The following PALLD variants were observed in gnomAD, a reference collection of about 807,000 sequenced individuals.
The protein encoded by PALLD is palladin, cytoskeletal associated protein.
In PALLD, 61 loss-of-function variants were observed where a neutral mutation model predicts 123.5. The ratio of observed to expected loss-of-function variants is 0.49; its 90% CI spans 0.40 to 0.61. The LOEUF is 0.61. Ranked by LOEUF, PALLD falls within the 20% of genes least tolerant of loss-of-function variation. PALLD has a pLI of 0.00. For missense variants in PALLD, 1,273 were observed against 1,377.0 expected (o/e 0.92, Z 1.20); for synonymous variants, 465 against 496.4 (o/e 0.94, Z 0.84).
At chr4:168,526,754 TTTA>T (rs1319244459) in intron 2 of PALLD, among the ~76,000 whole-genome samples, 2 of 152,122 alleles carry the variant, frequency 1.3e-5, no homozygotes, top group Non-Finnish European at 2.9e-5. Context: ...TATGGATAAT[TTTA>T]TCAGCCAAAT....
At chr4:168,509,671 C>T (rs890717838) in intron 1 of PALLD, among the ~76,000 whole-genome samples, 8 of 151,960 alleles carry the variant, frequency 5.3e-5, no homozygotes, top group Admixed American at 1.3e-4. Flanking sequence ...AAGAAGAGTG[C>T]GAAATATGGT....
chr4:168,771,837 C>G (rs1014181688), intron 10 of PALLD, among the ~76,000 whole-genome samples: 3 of 152,152 alleles, frequency 2.0e-5, no homozygotes, highest in Non-Finnish European at 4.4e-5. Flanking sequence ...AGTCCCCCTT[C>G]CCTGGATTCT....
chr4:168,813,857 CTA>C (rs35514946), intron 10 of PALLD, among the ~76,000 whole-genome samples: 80,017 of 151,428 alleles, frequency 0.53, 22,078 homozygotes, highest in Non-Finnish European at 0.63. Flanking sequence ...TTTGGAAAGG[CTA>C]TTATAACCAA....
At chr4:168,870,501 T>C (rs1750935932) in intron 10 of PALLD, among the ~76,000 whole-genome samples, 1 of 152,192 alleles carries the variant, frequency 6.6e-6, no homozygotes, top group South Asian at 2.1e-4. Flanking sequence ...CAAAAACTGA[T>C]ATATACGTTT....
intron 2 of PALLD, among the ~76,000 whole-genome samples, chr4:168,624,815 G>C (rs1775083658): frequency 6.6e-6 from 1 of 152,028 alleles, no homozygotes; most frequent in Non-Finnish European, 1.5e-5. Context: ...ATTTACAATA[G>C]TAATAACAAA....
intron 12 of PALLD, among the ~76,000 whole-genome samples, chr4:168,895,922 T>C (rs999391156): frequency 6.6e-6 from 1 of 152,224 alleles, no homozygotes; most frequent in Non-Finnish European, 1.5e-5. Context: ...TGAAAGTGCA[T>C]TTAAGGCGGG....
At chr4:168,715,868 T>A (rs1260335165) in intron 10 of PALLD, among the ~76,000 whole-genome samples, 1 of 151,926 alleles carries the variant, frequency 6.6e-6, no homozygotes, top group South Asian at 2.1e-4. Flanking sequence ...GAGAATGGCG[T>A]GAACCCGGAG....
chr4:168,539,804 AT>A (rs897100511), intron 2 of PALLD, among the ~76,000 whole-genome samples: 15 of 152,064 alleles, frequency 9.9e-5, no homozygotes, highest in African/African-American at 3.1e-4. Context: ...ACTTTATTTT[AT>A]TTTTTTAAAT....
At chr4:168,770,748 C>CTTG (rs371581166) in intron 10 of PALLD, among the ~76,000 whole-genome samples, 49,722 of 151,996 alleles carry the variant, frequency 0.33, 9,011 homozygotes, top group Non-Finnish European at 0.42. Flanking sequence ...CCAATTAACA[C>CTTG]ATTCCTAAGA....
At chr4:168,761,663 T>G (rs868227540) in intron 10 of PALLD, among the ~76,000 whole-genome samples, 3,811 of 134,832 alleles carry the variant, frequency 0.028, 301 homozygotes, top group African/African-American at 0.095. Context: ...TTTTTTTTTT[T>G]TTTTTTTTTT....
chr4:168,765,855 G>T (rs1457049837), intron 10 of PALLD, among the ~76,000 whole-genome samples: 1 of 152,236 alleles, frequency 6.6e-6, no homozygotes, highest in African/African-American at 2.4e-5. Context: ...ACTCATGGGG[G>T]TGTGGATTTT....
At chr4:168,743,517 T>A (rs1788567626) in intron 10 of PALLD, among the ~76,000 whole-genome samples, 1 of 152,168 alleles carries the variant, frequency 6.6e-6, no homozygotes, top group South Asian at 2.1e-4. Context: ...ACTCCTTTTT[T>A]CAAAATTCCA....
intron 10 of PALLD, among the ~76,000 whole-genome samples, chr4:168,809,288 C>T (rs1251389967): frequency 6.6e-6 from 1 of 151,466 alleles, no homozygotes; most frequent in African/African-American, 2.4e-5. Flanking sequence ...CTCTGTGTTC[C>T]CACTTTTATT....
chr4:168,569,449 T>C (rs1025691115), intron 2 of PALLD, among the ~76,000 whole-genome samples: 11 of 152,154 alleles, frequency 7.2e-5, no homozygotes, highest in Admixed American at 7.2e-4. Context: ...GGGAAAATAT[T>C]ACAAAGGGCT....
chr4:168,514,668 A>G (rs1762833602), intron 2 of PALLD, among the ~76,000 whole-genome samples: 1 of 152,176 alleles, frequency 6.6e-6, no homozygotes, highest in African/African-American at 2.4e-5. Flanking sequence ...CAAATAAATA[A>G]TTTTCATTAG....
At chr4:168,623,597 G>C (rs4235033) in intron 2 of PALLD, among the ~76,000 whole-genome samples, 19 of 152,054 alleles carry the variant, frequency 1.2e-4, no homozygotes, top group Non-Finnish European at 2.2e-4. Context: ...ACAGAAGGAA[G>C]CCCTGTACAA....
chr4:168,527,422 C>CAAAAAAAAAAA lies in PALLD; in HGVS notation c.908+15022_908+15032dup, dbSNP rs35555541. 6.9e-3 allele frequency among the ~76,000 whole-genome samples: 366 copies of CAAAAAAAAAAA among 52,896 alleles called. 37 individuals are homozygous for CAAAAAAAAAAA. The highest frequency in any genetic ancestry group is 0.014 in the African/African-American group (127 of 8,856). The allele number at this position is 52,896 out of a possible 152,430, so 34.7% of individuals were successfully genotyped here. On this transcript the variant is annotated intron_variant, in intron 2 of 21. Coordinates refer to ENST00000505667, the MANE Select transcript of PALLD (RefSeq NM_001166108.2). ...GGGCAACAGGAGTGAAACTCCATCT[C>CAAAAAAAAAAA]AAAAAAAAAAAAAAAAAAAAAAGTC...
chr4:168,571,703 A>G (rs1396685908), intron 2 of PALLD, among the ~76,000 whole-genome samples: 1 of 152,184 alleles, frequency 6.6e-6, no homozygotes, highest in Non-Finnish European at 1.5e-5. Context: ...GGCAGAATGC[A>G]AGATTCTTGA....
chr4:168,503,427 A>C (rs2149399949), intron 1 of PALLD, among the ~76,000 whole-genome samples: 1 of 152,300 alleles, frequency 6.6e-6, no homozygotes, highest in East Asian at 1.9e-4. Context: ...AGGCGGGTGG[A>C]TGACAAGGTC....
Sources: allele counts gnomAD v4.1 joint callset (sites outside exome capture counted in the v4.1 genomes callset), GRCh38; gene constraint gnomAD v4.1.1; transcripts MANE v1.5; gene names NCBI Gene and HGNC (gene_info 2026-07-23, HGNC 2026-07-21).